The following ARHGAP18 variants were observed in gnomAD, a reference collection of about 807,000 sequenced individuals.
ARHGAP18 encodes Rho GTPase activating protein 18.
A neutral mutation model predicts 86.2 loss-of-function variants in ARHGAP18; 67 were observed. That is an observed-to-expected ratio of 0.78 (90% CI 0.64 to 0.95). The LOEUF is 0.95. Among genes scored for constraint, ARHGAP18 ranks in the 40% least tolerant of loss-of-function variants. The probability of loss-of-function intolerance (pLI) is 0.00; values close to 1 mark genes in which losing one functional copy is unlikely to be tolerated. For synonymous variants in ARHGAP18, 283 were observed against 280.4 expected, an observed-to-expected ratio of 1.01 and a Z score of -0.09; for missense variants, 691 against 780.4, an observed-to-expected ratio of 0.89 and a Z score of 1.37.
intron 3 of ARHGAP18, among the ~76,000 whole-genome samples, chr6:129,636,750 C>T (rs540003662): frequency 1.8e-3 from 278 of 152,232 alleles, no homozygotes; most frequent in African/African-American, 2.3e-3. Context: ...TGGTGGCGTG[C>T]GCCTGTAGTC....
chr6:129,608,904 C>T (rs867709074), intron 8 of ARHGAP18, among the ~76,000 whole-genome samples: 4 of 151,966 alleles, frequency 2.6e-5, no homozygotes, highest in African/African-American at 9.7e-5. Context: ...CATTCTCTAC[C>T]CCCAATTATT....
intron 1 of ARHGAP18, among the ~76,000 whole-genome samples, chr6:129,682,355 T>C (rs931546741): frequency 1.3e-5 from 2 of 152,188 alleles, no homozygotes; most frequent in African/African-American, 4.8e-5. Flanking sequence ...TGAAGCCCCC[T>C]TGCCTCATTT....
intron 13 of ARHGAP18, 75 bp downstream of exon 13, chr6:129,583,913 A>G (rs564068918): frequency 6.6e-7 from 1 of 1,526,584 alleles, no homozygotes; most frequent in Non-Finnish European, 8.8e-7. Context: ...AAGGAAGAAG[A>G]AGCAGCAGCG....
chr6:129,696,098 G>A (rs1411811689), intron 1 of ARHGAP18, among the ~76,000 whole-genome samples: 2 of 152,160 alleles, frequency 1.3e-5, no homozygotes, highest in African/African-American at 4.8e-5. Flanking sequence ...GAAAAACCAA[G>A]TAACTTAAAT....
chr6:129,614,074 C>T (rs1194701115), intron 7 of ARHGAP18, among the ~76,000 whole-genome samples: 1 of 152,184 alleles, frequency 6.6e-6, no homozygotes, highest in African/African-American at 2.4e-5. Flanking sequence ...CTATTTCCCT[C>T]ATCCTTCTGA....
chr6:129,598,401 G>A (rs1301655773), intron 12 of ARHGAP18, among the ~76,000 whole-genome samples: 1 of 152,092 alleles, frequency 6.6e-6, no homozygotes, highest in African/African-American at 2.4e-5. Context: ...TCAGACAAAG[G>A]CAGATAACTG....
At chr6:129,708,907 T>A (rs1407921329) in intron 1 of ARHGAP18, among the ~76,000 whole-genome samples, 1 of 152,214 alleles carries the variant, frequency 6.6e-6, no homozygotes, top group East Asian at 1.9e-4. Flanking sequence ...ATCTTTTTTA[T>A]CTTTGGAAAT....
At position 129,601,180 on chromosome 6, in the gene ARHGAP18, C is replaced by G. The variant is rs573685767; in HGVS notation, c.1366-332G>C. 1.1e-4 allele frequency among the ~76,000 whole-genome samples: 17 copies of G among 152,328 alleles called. No homozygotes were observed. The East Asian group carries it at 3.1e-3, about 28-fold the overall frequency. On this transcript the variant is annotated intron_variant, in intron 10 of 14. Coordinates refer to ENST00000368149, the MANE Select transcript of ARHGAP18 (RefSeq NM_033515.3). Reference sequence around the variant, plus strand: ...CTGAAAAGTAATGTAAAACATCATACAAACATTTGCTTATTTCAGGAAATG... The same window carrying G: ...CTGAAAAGTAATGTAAAACATCATAGAAACATTTGCTTATTTCAGGAAATG...
intron 2 of ARHGAP18, among the ~76,000 whole-genome samples, chr6:129,641,208 C>T (rs1465195406): frequency 6.6e-6 from 1 of 152,122 alleles, no homozygotes; most frequent in East Asian, 1.9e-4. Context: ...TTGAAAACCA[C>T]CCACAAAAAT....
intron 1 of ARHGAP18, among the ~76,000 whole-genome samples, chr6:129,697,001 T>C (rs1394633153): frequency 1.3e-5 from 2 of 152,162 alleles, no homozygotes; most frequent in Non-Finnish European, 2.9e-5. Context: ...AATTGGCCAA[T>C]AGAACACAGC....
chr6:129,710,104 TACC>T lies in ARHGAP18; in HGVS notation c.30_32del (p.Val11del). ...TGCCGCTGGGGTGGTAGGCTGTTAG[TACC>T]ACTCCCTGGGAACTGGAGAGCCAGC... is the stretch of plus-strand genomic sequence containing the variant. On this transcript the variant is annotated inframe_deletion, in exon 1 of 15. Transcript: ENST00000368149. 6.2e-7 allele frequency: 1 copy of T among 1,613,992 alleles called. No homozygotes were observed. Among genetic ancestry groups the T allele is most frequent in the Non-Finnish European group, 8.5e-7 (1 of 1,179,904 alleles).
At chr6:129,652,295 C>T (rs1417948474) in intron 1 of ARHGAP18, among the ~76,000 whole-genome samples, 1 of 152,230 alleles carries the variant, frequency 6.6e-6, no homozygotes, top group African/African-American at 2.4e-5. Flanking sequence ...TCTTGTTTCA[C>T]AGCAATCATG....
intron 4 of ARHGAP18, among the ~76,000 whole-genome samples, chr6:129,633,432 C>T (rs1210817240): frequency 1.4e-5 from 1 of 70,862 alleles, no homozygotes; most frequent in Non-Finnish European, 2.9e-5. Context: ...AAGACTCCAC[C>T]TCAAAAAAAA....
intron 1 of ARHGAP18, among the ~76,000 whole-genome samples, chr6:129,678,818 A>C (rs999059165): frequency 2.6e-5 from 4 of 152,196 alleles, no homozygotes; most frequent in African/African-American, 4.8e-5. Flanking sequence ...TAAGTGCTTA[A>C]ATTTTTCAAA....
chr6:129,605,602 C>G (rs1237825074), intron 10 of ARHGAP18, among the ~76,000 whole-genome samples: 1 of 151,778 alleles, frequency 6.6e-6, no homozygotes, highest in Non-Finnish European at 1.5e-5. Context: ...CAAAAAACCA[C>G]CCACGTTTCC....
At chr6:129,605,737 T>C in intron 10 of ARHGAP18, 140 bp downstream of exon 10, 1 of 707,424 alleles carries the variant, frequency 1.4e-6, no homozygotes, top group Non-Finnish European at 2.4e-6. Context: ...GCTTTCACCC[T>C]CTGTCCTTAA....
At chr6:129,624,268 TA>T in intron 5 of ARHGAP18, among the ~76,000 whole-genome samples, 1 of 152,290 alleles carries the variant, frequency 6.6e-6, no homozygotes, top group East Asian at 1.9e-4. Flanking sequence ...CAGTGGCTCA[TA>T]CCTGTAATCC....
At chr6:129,625,399 A>AATATATATTT (rs1789375596) in intron 5 of ARHGAP18, among the ~76,000 whole-genome samples, 1 of 61,728 alleles carries the variant, frequency 1.6e-5, no homozygotes, top group Non-Finnish European at 2.5e-5. Flanking sequence ...ATTTATACAT[A>AATATATATTT]TGTATTATAT....
intron 1 of ARHGAP18, among the ~76,000 whole-genome samples, chr6:129,705,587 T>G (rs1026018177): frequency 1.3e-5 from 2 of 152,244 alleles, no homozygotes; most frequent in Non-Finnish European, 2.9e-5. Context: ...ATGTCATTTT[T>G]TAAGCATATG....
Sources: allele counts gnomAD v4.1 joint callset (sites outside exome capture counted in the v4.1 genomes callset), GRCh38; gene constraint gnomAD v4.1.1; transcripts MANE v1.5; gene names NCBI Gene and HGNC (gene_info 2026-07-23, HGNC 2026-07-21).